Variants in NAALADL2 observed in about 807,000 individuals in gnomAD.
NAALADL2 encodes N-acetylated alpha-linked acidic dipeptidase like 2.
NAALADL2 carries 76 observed loss-of-function variants against 87.2 expected under a neutral mutation model. The observed-to-expected ratio is 0.87, with a 90% CI of 0.72 to 1.05. The LOEUF is 1.05. NAALADL2 is among the 50% of genes least tolerant of loss of function. NAALADL2 has a pLI of 0.00. For synonymous variants in NAALADL2, 354 were observed against 331.0 expected (o/e 1.07, Z -0.75); for missense variants, 1,089 against 945.8 (o/e 1.15, Z -1.99).
intron 2 of NAALADL2, among the ~76,000 whole-genome samples, chr3:175,163,735 T>C (rs1010468538): frequency 2.0e-5 from 3 of 152,172 alleles, no homozygotes; most frequent in Non-Finnish European, 4.4e-5. Context: ...TTTGGCCCCA[T>C]GTGGTAGAGC....
intron 5 of NAALADL2, among the ~76,000 whole-genome samples, chr3:175,442,470 G>A (rs1323261038): frequency 6.6e-6 from 1 of 152,136 alleles, no homozygotes; most frequent in African/African-American, 2.4e-5. Context: ...TTCACCCACA[G>A]TAACTTTGGC....
At chr3:174,988,673 C>G (rs1266818715) in intron 1 of NAALADL2, among the ~76,000 whole-genome samples, 1 of 152,112 alleles carries the variant, frequency 6.6e-6, no homozygotes, top group Non-Finnish European at 1.5e-5. Context: ...AGTTTCTTGG[C>G]TTGTGACAGC....
intron 2 of NAALADL2, among the ~76,000 whole-genome samples, chr3:174,615,219 G>T (rs1345117230): frequency 6.6e-6 from 1 of 152,194 alleles, no homozygotes; most frequent in Non-Finnish European, 1.5e-5. Flanking sequence ...TTACTTTAAA[G>T]ATTGACATGT....
intron 1 of NAALADL2, among the ~76,000 whole-genome samples, chr3:174,993,645 A>G (rs1050007533): frequency 6.6e-6 from 1 of 152,200 alleles, no homozygotes; most frequent in Non-Finnish European, 1.5e-5. Context: ...TTATTAGGAC[A>G]TAGAAAAGAT....
chr3:174,899,620 A>G (rs528393405), intron 1 of NAALADL2, among the ~76,000 whole-genome samples: 1 of 152,270 alleles, frequency 6.6e-6, no homozygotes, highest in South Asian at 2.1e-4. Flanking sequence ...AGATACTAGC[A>G]TCGTGATTCC....
At chr3:175,206,951 A>G (rs746337592) in intron 2 of NAALADL2, among the ~76,000 whole-genome samples, 1 of 152,158 alleles carries the variant, frequency 6.6e-6, no homozygotes, top group Non-Finnish European at 1.5e-5. Context: ...AATGAAGAGA[A>G]AGCAGTGCAT....
chr3:175,614,436 G>A (rs768129672), intron 10 of NAALADL2, among the ~76,000 whole-genome samples: 1 of 152,162 alleles, frequency 6.6e-6, no homozygotes, highest in Non-Finnish European at 1.5e-5. Flanking sequence ...AGAAGCTCTA[G>A]CTTAAATTAT....
chr3:175,664,101 C>A (rs1034870609), intron 11 of NAALADL2, among the ~76,000 whole-genome samples: 1 of 152,008 alleles, frequency 6.6e-6, no homozygotes, highest in African/African-American at 2.4e-5. Flanking sequence ...TTTTTCCAAT[C>A]TTAAGACTGT....
chr3:174,768,288 A>G (rs574048458), intron 3 of NAALADL2, among the ~76,000 whole-genome samples: 1 of 152,192 alleles, frequency 6.6e-6, no homozygotes, highest in African/African-American at 2.4e-5. Context: ...AAAATTGGAT[A>G]ATATATAATA....
At chr3:175,486,858 G>A (rs1727354202) in intron 9 of NAALADL2, among the ~76,000 whole-genome samples, 1 of 152,050 alleles carries the variant, frequency 6.6e-6, no homozygotes, top group African/African-American at 2.4e-5. Context: ...ATTTCAGTGG[G>A]AAGTCCTATT....
At chr3:175,479,979 G>C (rs1234953315) in intron 9 of NAALADL2, among the ~76,000 whole-genome samples, 1 of 151,658 alleles carries the variant, frequency 6.6e-6, no homozygotes, top group African/African-American at 2.4e-5. Flanking sequence ...TTACCTTCAG[G>C]TGCTCAAACA....
chr3:174,864,457 T>A (rs1726891433), intron 1 of NAALADL2, among the ~76,000 whole-genome samples: 1 of 152,068 alleles, frequency 6.6e-6, no homozygotes, highest in African/African-American at 2.4e-5. Flanking sequence ...GTTTGTTTAA[T>A]CCCCTTTGAT....
At chr3:175,324,029 A>G (rs1760332719) in intron 4 of NAALADL2, 146 bp from the exon 5 acceptor site, 1 of 233,734 alleles carries the variant, frequency 4.3e-6, no homozygotes, top group African/African-American at 3.4e-5. Context: ...AAAAACAAAC[A>G]AAAAAAAAAA....
intron 3 of NAALADL2, among the ~76,000 whole-genome samples, chr3:175,255,758 G>A (rs1280253213): frequency 6.6e-6 from 1 of 152,128 alleles, no homozygotes; most frequent in Non-Finnish European, 1.5e-5. Flanking sequence ...ATAAAAATGG[G>A]TAACATTGAG....
In NAALADL2 at chr3:174,657,041, CTTTTTT is replaced by C. The variant is rs60569510; in HGVS notation, c.-114-80586_-114-80581del. 5.0e-3 allele frequency among the ~76,000 whole-genome samples: 583 copies of C among 115,794 alleles called. 3 individuals are homozygous for C. Among genetic ancestry groups the C allele is most frequent in the African/African-American group, 0.02 (567 of 28,280 alleles). 76.0% of individuals were successfully genotyped at this position (115,794 alleles called of 152,430 possible). A position where few individuals can be genotyped will look rare whatever the true frequency, so the allele number is the denominator to read the frequency against. On this transcript the variant is annotated intron_variant, in intron 2 of 3. Coordinates refer to the NAALADL2 transcript ENST00000434257. ...TCTCTCTCTTTTTCTTTTCCTTCTT[CTTTTTT>C]TTTTTTTTTTTTTGCTCCGTTGCCT...
At chr3:175,573,869 C>T (rs937327986) in intron 9 of NAALADL2, among the ~76,000 whole-genome samples, 1 of 151,480 alleles carries the variant, frequency 6.6e-6, no homozygotes, top group East Asian at 1.9e-4. Flanking sequence ...ACTGATTAGA[C>T]TGTATGGTAA....
chr3:175,010,214 G>A (rs1287893097), intron 1 of NAALADL2, among the ~76,000 whole-genome samples: 1 of 152,078 alleles, frequency 6.6e-6, no homozygotes, highest in Non-Finnish European at 1.5e-5. Context: ...AGGGAGTGAA[G>A]GAATGATCTT....
intron 5 of NAALADL2, among the ~76,000 whole-genome samples, chr3:175,433,747 G>A (rs923071870): frequency 2.0e-5 from 3 of 151,344 alleles, no homozygotes; most frequent in African/African-American, 7.3e-5. Flanking sequence ...AAAGTACTTC[G>A]AAGAAATGTA....
chr3:174,924,892 C>A (rs1231815312), intron 1 of NAALADL2, among the ~76,000 whole-genome samples: 1 of 152,126 alleles, frequency 6.6e-6, no homozygotes, highest in Admixed American at 6.5e-5. Flanking sequence ...CTGTTCATAT[C>A]CTTTGCCCAG....
Sources: allele counts gnomAD v4.1 joint callset (sites outside exome capture counted in the v4.1 genomes callset), GRCh38; gene constraint gnomAD v4.1.1; transcripts MANE v1.5; gene names NCBI Gene and HGNC (gene_info 2026-07-23, HGNC 2026-07-21).